PRSS23: variants seen among roughly 807,000 people sequenced by gnomAD.
PRSS23 encodes the protein protease, serine 23.
PRSS23 carries 25 observed loss-of-function variants against 34.7 expected under a neutral mutation model. The ratio of observed to expected loss-of-function variants is 0.72; its 90% CI spans 0.53 to 1.01. The LOEUF is 1.01. Among genes scored for constraint, PRSS23 ranks in the 50% least tolerant of loss-of-function variants. The pLI, the probability that PRSS23 is intolerant of heterozygous loss-of-function variation, is 0.00. For missense variants in PRSS23, 445 were observed against 475.6 expected (o/e 0.94, Z 0.60); for synonymous variants, 176 against 186.6 (o/e 0.94, Z 0.46).
intron 2 of PRSS23, chr11:86,940,860 T>C (rs952289474): frequency 6.6e-6 from 1 of 152,246 alleles, no homozygotes; most frequent in Non-Finnish European, 1.5e-5. Context: ...AATCTCTTTG[T>C]ATTTATACAA....
At chr11:86,870,442 A>G (rs939911277) in intron 2 of PRSS23, among the ~76,000 whole-genome samples, 2 of 152,130 alleles carry the variant, frequency 1.3e-5, no homozygotes, top group Non-Finnish European at 2.9e-5. Context: ...GCTTTAATCT[A>G]TTCTCCTTTG....
At chr11:86,927,644 G>C (rs990578500) in intron 2 of PRSS23, among the ~76,000 whole-genome samples, 7 of 152,062 alleles carry the variant, frequency 4.6e-5, no homozygotes, top group Non-Finnish European at 1.0e-4. Context: ...ACTGTGCCCG[G>C]CCTTACCTTC....
At chr11:86,873,309 T>A (rs1948699701) in intron 2 of PRSS23, among the ~76,000 whole-genome samples, 2 of 150,050 alleles carry the variant, frequency 1.3e-5, no homozygotes, top group Admixed American at 1.3e-4. Flanking sequence ...TTTTTTCTTT[T>A]TGAGATGGAG....
At chr11:86,867,812 G>GCTTA (rs1948659778) in intron 2 of PRSS23, among the ~76,000 whole-genome samples, 2 of 149,822 alleles carry the variant, frequency 1.3e-5, no homozygotes, top group African/African-American at 5.0e-5. Context: ...AGGAGGCTAA[G>GCTTA]GCTGCAGTGA....
intron 2 of PRSS23, among the ~76,000 whole-genome samples, chr11:86,913,401 T>G (rs76290377): frequency 1.4e-5 from 2 of 143,052 alleles, no homozygotes; most frequent in African/African-American, 2.6e-5. Context: ...TGTATTGGTG[T>G]TTTTTTTTTT....
chr11:86,834,121 G>C (rs1237628785), intron 2 of PRSS23, among the ~76,000 whole-genome samples: 1 of 152,230 alleles, frequency 6.6e-6, no homozygotes, highest in Non-Finnish European at 1.5e-5. Flanking sequence ...ATGGCCTGCA[G>C]TGCAGGGGAT....
Position 86,845,729 on chromosome 11 carries a change from A to C in PRSS23, c.206+22136A>C, listed in dbSNP as rs939188276. Among the ~76,000 whole-genome samples the C allele has an allele frequency of 4.6e-5, 7 of 151,992 alleles. No individual in the cohort carries two copies. The South Asian group carries it at 1.5e-3, about 32-fold the overall frequency. On this transcript the variant is annotated intron_variant, in intron 2 of 2. Coordinates refer to the PRSS23 transcript ENST00000533902. The stretch of plus-strand genomic sequence containing the variant: ...CTTCCCCAAGAAAGCTATAAACAGC[A>C]AAAAAATTTTGCTGTAAGTTTCCCT...
At chr11:86,839,772 C>G (rs1948433763) in intron 2 of PRSS23, among the ~76,000 whole-genome samples, 1 of 150,796 alleles carries the variant, frequency 6.6e-6, no homozygotes, top group African/African-American at 2.4e-5. Context: ...ACCCTACAAG[C>G]CAGAAGAGAG....
chr11:86,901,688 A>C (rs896149211), intron 2 of PRSS23, among the ~76,000 whole-genome samples: 1 of 152,182 alleles, frequency 6.6e-6, no homozygotes, highest in African/African-American at 2.4e-5. Context: ...ATAAATGCCA[A>C]AATGTCAGAA....
intron 2 of PRSS23, among the ~76,000 whole-genome samples, chr11:86,849,451 CTG>C (rs1428125854): frequency 6.6e-6 from 1 of 152,170 alleles, no homozygotes; most frequent in Non-Finnish European, 1.5e-5. Context: ...ACTCTGAAGT[CTG>C]GGCCTTGGAA....
chr11:86,893,556 C>T (rs1426112675), intron 2 of PRSS23, among the ~76,000 whole-genome samples: 1 of 152,088 alleles, frequency 6.6e-6, no homozygotes, highest in East Asian at 1.9e-4. Context: ...AGAGTCAACG[C>T]TGGTCCTCAT....
Position 86,807,915 on chromosome 11 carries a change from A to G in PRSS23, c.272A>G (p.Tyr91Cys), listed in dbSNP as rs1238368306. The G allele has an allele frequency of 6.2e-7, 1 of 1,614,150 alleles. No homozygotes were observed. The highest frequency in any genetic ancestry group is 8.5e-7 in the Non-Finnish European group (1 of 1,180,016). ...CAATATCTGTCTTATGAAACGCTCT[A>G]TGCCAATGGCAGCCGCACAGAGACG... The part of the protein sequence containing the change: ...AKQYLSYETL[Y>C]ANGSRTETQV... The change falls in exon 2 of 2, where the codon TAT (tyrosine) becomes TGT (cysteine). Residue 91 changes from tyrosine to cysteine, a missense_variant. By Grantham distance (194) the Tyr-to-Cys change is radical. Coordinates refer to ENST00000280258, the MANE Select transcript of PRSS23 (RefSeq NM_007173.6).
chr11:86,808,215 GA>G lies in PRSS23; in HGVS notation c.573del (p.Val192TrpfsTer4). On this transcript the variant is annotated frameshift_variant, in exon 2 of 2. Coordinates refer to ENST00000280258, the MANE Select transcript of PRSS23 (RefSeq NM_007173.6). LOFTEE classifies it high-confidence loss of function. ...KTYVKGTQKLRVGFLKPKFKD... is the reference protein window; with the variant it reads ...KTYVKGTQKLXVGFLKPKFKD... ...TATGTGAAAGGAACCCAGAAGCTTC[GA>G]GTGGGCTTCCTAAAGCCCAAGTTTA... The G allele has an allele frequency of 1.2e-6, 2 of 1,614,100 alleles. No individual in the cohort carries two copies. The highest frequency in any genetic ancestry group is 1.7e-6 in the Non-Finnish European group (2 of 1,180,034).
At chr11:86,858,652 C>T (rs1368982381) in intron 2 of PRSS23, among the ~76,000 whole-genome samples, 2 of 150,864 alleles carry the variant, frequency 1.3e-5, no homozygotes, top group African/African-American at 4.9e-5. Context: ...TGTACACACC[C>T]CTGTGATGGT....
rs946395315 is a variant in PRSS23, at chr11:86,811,185, A to C, written c.*2390A>C. On this transcript the variant is annotated 3_prime_UTR_variant, in exon 2 of 2. Coordinates refer to ENST00000280258, the MANE Select transcript of PRSS23 (RefSeq NM_007173.6). Reference sequence around the variant, plus strand: ...TGGGAAGACCTGTTGTAAAGGGACAAGTTGAGGTTGTAAAATCTGCATTTA... The same window carrying C: ...TGGGAAGACCTGTTGTAAAGGGACACGTTGAGGTTGTAAAATCTGCATTTA... 4 of 167,100 alleles carry C rather than the reference A, an allele frequency of 2.4e-5. No homozygotes were observed. Among genetic ancestry groups the C allele is most frequent in the African/African-American group, 9.6e-5 (4 of 41,464 alleles). 10.4% of individuals were successfully genotyped at this position (167,100 alleles called of 1,614,324 possible). A position where few individuals can be genotyped will look rare whatever the true frequency, so the allele number is the denominator to read the frequency against.
intron 1 of PRSS23, among the ~76,000 whole-genome samples, chr11:86,792,665 T>C (rs890925489): frequency 8.5e-5 from 13 of 152,260 alleles, no homozygotes; most frequent in Non-Finnish European, 1.5e-4. Context: ...GAAAGTGTTA[T>C]GGGAAATCAA....
chr11:86,951,218 T>C, exon 3 of PRSS23: 2 of 1,614,152 alleles, frequency 1.2e-6, no homozygotes, highest in South Asian at 1.1e-5. Context: ...CTTTCCAGAA[T>C]TCACCAATCT....
intron 2 of PRSS23, among the ~76,000 whole-genome samples, chr11:86,884,125 C>T (rs1170047861): frequency 6.6e-6 from 1 of 152,144 alleles, no homozygotes; most frequent in East Asian, 1.9e-4. Context: ...TCCCCTTCCT[C>T]CCCAGTTTTT....
intron 2 of PRSS23, chr11:86,934,736 C>T (rs1328028530): frequency 6.6e-6 from 1 of 152,258 alleles, no homozygotes; most frequent in Non-Finnish European, 1.5e-5. Context: ...TCCAGAAGGT[C>T]ATTCCCAGGT....
Sources: gnomAD v4.1 joint callset for allele counts (sites outside exome capture counted in the v4.1 genomes callset) on GRCh38, gnomAD v4.1.1 for gene constraint, MANE v1.5 for transcripts, NCBI Gene and HGNC (gene_info 2026-07-23, HGNC 2026-07-21) for gene names.